CTNNA3: variants seen among roughly 807,000 people sequenced by gnomAD.
CTNNA3 encodes catenin alpha-3.
In CTNNA3, 76 loss-of-function variants were observed where a neutral mutation model predicts 95.7. The observed-to-expected ratio is 0.79, with a 90% CI of 0.66 to 0.96. The LOEUF (loss-of-function observed/expected upper bound fraction) is 0.96, where lower values mean the gene tolerates loss of function less well. Ranked by LOEUF, CTNNA3 falls within the 40% of genes least tolerant of loss-of-function variation. CTNNA3 has a pLI of 0.00. For missense variants in CTNNA3, 1,191 were observed against 1,089.8 expected (o/e 1.09, Z -1.31); for synonymous variants, 431 against 374.4 (o/e 1.15, Z -1.74).
chr10:67,576,303 A>T (rs1842141891), intron 3 of CTNNA3, among the ~76,000 whole-genome samples: 1 of 152,200 alleles, frequency 6.6e-6, no homozygotes, highest in African/African-American at 2.4e-5. Flanking sequence ...CTTGAGAGTC[A>T]TTTGACCTAA....
intron 12 of CTNNA3, among the ~76,000 whole-genome samples, chr10:66,291,346 C>T (rs2091677656): frequency 6.6e-6 from 1 of 152,164 alleles, no homozygotes; most frequent in Non-Finnish European, 1.5e-5. Context: ...CCCATTAAGG[C>T]CCCACCCATG....
intron 7 of CTNNA3, among the ~76,000 whole-genome samples, chr10:66,958,158 G>A (rs1425330880): frequency 6.6e-6 from 1 of 151,922 alleles, no homozygotes; most frequent in African/African-American, 2.4e-5. Context: ...TCCATCTCTA[G>A]TATCATTTGT....
intron 3 of CTNNA3, among the ~76,000 whole-genome samples, chr10:67,577,630 T>G: frequency 1.3e-5 from 2 of 151,386 alleles, no homozygotes; most frequent in African/African-American, 4.9e-5. Context: ...TGCCTAGGTT[T>G]TGTATATATA....
At chr10:67,074,802 A>C in intron 7 of CTNNA3, among the ~76,000 whole-genome samples, 1 of 150,572 alleles carries the variant, frequency 6.6e-6, no homozygotes, top group Middle Eastern at 3.4e-3. Flanking sequence ...AATATTATGA[A>C]CATAACATAA....
intron 10 of CTNNA3, among the ~76,000 whole-genome samples, chr10:66,562,805 G>A (rs1320303176): frequency 6.6e-6 from 1 of 151,270 alleles, no homozygotes; most frequent in Non-Finnish European, 1.5e-5. Context: ...TAAATATTTT[G>A]TTCTAAGAAG....
intron 10 of CTNNA3, among the ~76,000 whole-genome samples, chr10:66,573,861 A>G (rs1361124769): frequency 6.6e-6 from 1 of 152,162 alleles, no homozygotes; most frequent in Non-Finnish European, 1.5e-5. Flanking sequence ...TGGGCATTGG[A>G]TCACTATCAG....
At chr10:66,679,841 A>G (rs4746627) in intron 9 of CTNNA3, among the ~76,000 whole-genome samples, 84,187 of 151,976 alleles carry the variant, frequency 0.55, 24,064 homozygotes, top group African/African-American at 0.68. Flanking sequence ...CTTTCAAGCA[A>G]CAATGCAAAG....
intron 10 of CTNNA3, among the ~76,000 whole-genome samples, chr10:66,548,950 C>T (rs1294222679): frequency 7.4e-6 from 1 of 135,700 alleles, no homozygotes; most frequent in Non-Finnish European, 1.6e-5. Flanking sequence ...TAAAATTATT[C>T]TGGCTTAAAA....
At chr10:65,996,703 G>T (rs2078668715) in intron 15 of CTNNA3, among the ~76,000 whole-genome samples, 1 of 152,128 alleles carries the variant, frequency 6.6e-6, no homozygotes, top group African/African-American at 2.4e-5. Flanking sequence ...GATTGCAGGA[G>T]CCCATCATGG....
chr10:66,688,978 A>G, intron 9 of CTNNA3, among the ~76,000 whole-genome samples: 1 of 151,960 alleles, frequency 6.6e-6, no homozygotes, highest in African/African-American at 2.4e-5. Context: ...AAAAAAAAAA[A>G]AAGAGCAGGG....
chr10:67,134,481 T>C (rs926996985), intron 7 of CTNNA3, among the ~76,000 whole-genome samples: 3 of 152,238 alleles, frequency 2.0e-5, no homozygotes, highest in African/African-American at 2.4e-5. Flanking sequence ...AGAGATTTTA[T>C]GGGGCCACTC....
intron 7 of CTNNA3, among the ~76,000 whole-genome samples, chr10:67,114,632 C>G (rs1859075697): frequency 6.6e-6 from 1 of 151,466 alleles, no homozygotes; most frequent in Non-Finnish European, 1.5e-5. Context: ...TCCAGTAGTT[C>G]TTAATTTCTT....
At chr10:67,670,615 C>A (rs1840412038) in intron 1 of CTNNA3, among the ~76,000 whole-genome samples, 1 of 152,116 alleles carries the variant, frequency 6.6e-6, no homozygotes, top group African/African-American at 2.4e-5. Context: ...GAGTAACCCA[C>A]ACACACACAT....
At chr10:66,478,341 G>T (rs1460005954) in intron 11 of CTNNA3, among the ~76,000 whole-genome samples, 1 of 151,920 alleles carries the variant, frequency 6.6e-6, no homozygotes, top group Non-Finnish European at 1.5e-5. Flanking sequence ...ATTGCAAACA[G>T]ATTTTACACT....
intron 9 of CTNNA3, among the ~76,000 whole-genome samples, chr10:66,669,338 G>A (rs1846574034): frequency 1.3e-5 from 2 of 152,026 alleles, no homozygotes; most frequent in Admixed American, 6.6e-5. Context: ...GAGGTCAGGA[G>A]TTCGAGACCA....
intron 9 of CTNNA3, among the ~76,000 whole-genome samples, chr10:66,730,432 A>C (rs1172385662): frequency 1.3e-5 from 2 of 152,180 alleles, no homozygotes; most frequent in African/African-American, 4.8e-5. Context: ...TGGAGGGAAC[A>C]ACACACACTG....
intron 1 of CTNNA3, among the ~76,000 whole-genome samples, chr10:67,748,715 C>G (rs907701948): frequency 6.6e-6 from 1 of 152,170 alleles, no homozygotes; most frequent in African/African-American, 2.4e-5. Flanking sequence ...AAATAAGCAG[C>G]TAGCATCATT....
At chr10:66,379,945 A>T (rs1301236280) in intron 11 of CTNNA3, among the ~76,000 whole-genome samples, 1 of 152,234 alleles carries the variant, frequency 6.6e-6, no homozygotes, top group Non-Finnish European at 1.5e-5. Context: ...CTAATGAATG[A>T]AGATGCACAA....
At chr10:66,415,780 T>A (rs1329938503) in intron 11 of CTNNA3, among the ~76,000 whole-genome samples, 1 of 152,194 alleles carries the variant, frequency 6.6e-6, no homozygotes, top group Non-Finnish European at 1.5e-5. Flanking sequence ...CACTAATTCA[T>A]GTACCTAGAA....
Sources: allele counts gnomAD v4.1 joint callset (sites outside exome capture counted in the v4.1 genomes callset), GRCh38; gene constraint gnomAD v4.1.1; transcripts MANE v1.5; gene names NCBI Gene and HGNC (gene_info 2026-07-23, HGNC 2026-07-21).